CDK13: variants seen among roughly 807,000 people sequenced by gnomAD.
CDK13 encodes cyclin-dependent kinase 13.
In CDK13, 40 loss-of-function variants were observed where a neutral mutation model predicts 137.6. That is an observed-to-expected ratio of 0.29 (90% CI 0.23 to 0.38). The LOEUF (loss-of-function observed/expected upper bound fraction) is 0.38, where lower values mean the gene tolerates loss of function less well. Among genes scored for constraint, CDK13 ranks in the 10% least tolerant of loss-of-function variants. The pLI, the probability that CDK13 is intolerant of heterozygous loss-of-function variation, is 1.00. For synonymous variants in CDK13, 869 were observed against 760.1 expected (o/e 1.14, Z -2.36); for missense variants, 1,704 against 1,951.8 (o/e 0.87, Z 2.39).
chr7:39,987,451 A>C, intron 1 of CDK13, 148 bp from the exon 2 acceptor site: 1 of 704,584 alleles, frequency 1.4e-6, no homozygotes, highest in Non-Finnish European at 2.2e-6. Flanking sequence ...ACTTTAAAGA[A>C]ATTTTTATTT....
At position 40,094,790 on chromosome 7, in the gene CDK13, C is replaced by T. The variant is rs2150548848; in HGVS notation, c.4349C>T (p.Thr1450Ile). 2 of 1,601,654 alleles carry T rather than the reference C, an allele frequency of 1.2e-6. No homozygotes were observed. Among genetic ancestry groups the T allele is most frequent in the Admixed American group, 1.7e-5 (1 of 57,594 alleles). Residue 1450 changes from threonine (T) to isoleucine (I), a missense_variant, in exon 14 of 14, where the codon ACT (threonine) becomes ATT (isoleucine). Thr to Ile is a moderately conservative substitution (Grantham distance 89). Around this residue, in one of 5 missense-constraint regions of CDK13, gnomAD observed 475 missense variants for 579.3 expected, o/e 0.82. Coordinates refer to ENST00000181839, the MANE Select transcript of CDK13 (RefSeq NM_003718.5). ...GACCCTTCCACGGGGCCAGAGAGTACTCATCCTTTGCCAGCAAAGATGCAC... is the reference window on the plus strand; with the variant it reads ...GACCCTTCCACGGGGCCAGAGAGTATTCATCCTTTGCCAGCAAAGATGCAC... ...SSDPSTGPES[T>I]HPLPAKMHNY... is the part of the protein sequence containing the mutation.
intron 5 of CDK13, among the ~76,000 whole-genome samples, chr7:40,017,753 G>A (rs890609414): frequency 6.6e-6 from 1 of 150,916 alleles, no homozygotes; most frequent in African/African-American, 2.4e-5. Context: ...TTTAATTTTG[G>A]AAGGGTGGTT....
At chr7:40,055,321 G>C (rs574303264) in intron 7 of CDK13, among the ~76,000 whole-genome samples, 17 of 151,922 alleles carry the variant, frequency 1.1e-4, no homozygotes, top group Non-Finnish European at 1.9e-4. Flanking sequence ...CTAAGAAGTC[G>C]ACTATATGTT....
chr7:40,013,432 A>G (rs1166784168), intron 5 of CDK13, among the ~76,000 whole-genome samples: 2 of 152,362 alleles, frequency 1.3e-5, no homozygotes, highest in Non-Finnish European at 1.5e-5. Flanking sequence ...ATTTAAAAAA[A>G]TTAAACGAGA....
intron 1 of CDK13, among the ~76,000 whole-genome samples, chr7:39,968,395 A>G (rs1783918838): frequency 6.6e-6 from 1 of 152,060 alleles, no homozygotes. Context: ...GTGGATATCC[A>G]GTTTTCCCAC....
chr7:39,996,396 T>C (rs1784561192), intron 2 of CDK13, among the ~76,000 whole-genome samples: 1 of 152,204 alleles, frequency 6.6e-6, no homozygotes, highest in Non-Finnish European at 1.5e-5. Context: ...GACTTTGTCA[T>C]ATCAGGGAAA....
intron 5 of CDK13, among the ~76,000 whole-genome samples, chr7:40,022,597 C>A (rs901797639): frequency 1.1e-4 from 16 of 150,414 alleles, no homozygotes; most frequent in African/African-American, 3.9e-4. Context: ...TATGTTGTGT[C>A]ATAATGGCTG....
chr7:40,015,750 T>TA (rs79005928), intron 5 of CDK13, among the ~76,000 whole-genome samples: 7 of 151,802 alleles, frequency 4.6e-5, no homozygotes, highest in Non-Finnish European at 5.9e-5. Flanking sequence ...TCCAGAAGTT[T>TA]AAAAAAAAAA....
intron 9 of CDK13, chr7:40,067,592 T>C (rs2150529537): frequency 6.6e-6 from 1 of 152,236 alleles, no homozygotes; most frequent in Non-Finnish European, 1.5e-5. Context: ...CCTGGAATCT[T>C]TTCTTTTACA....
At chr7:39,958,772 G>A (rs1057512792) in intron 1 of CDK13, among the ~76,000 whole-genome samples, 1 of 151,240 alleles carries the variant, frequency 6.6e-6, no homozygotes, top group African/African-American at 2.4e-5. Flanking sequence ...TCTTTAGATT[G>A]AATTTCCTGG....
chr7:40,042,093 T>C (rs1785618818), intron 5 of CDK13, among the ~76,000 whole-genome samples: 1 of 152,176 alleles, frequency 6.6e-6, no homozygotes, highest in Admixed American at 6.5e-5. Flanking sequence ...TTGATTCTTT[T>C]TTTGTTGTTG....
chr7:40,048,186 C>T (rs1010976031), intron 7 of CDK13: 17 of 212,918 alleles, frequency 8.0e-5, no homozygotes, highest in African/African-American at 3.7e-4. Flanking sequence ...TTAATGAAAA[C>T]CTTTTAAATT....
intron 5 of CDK13, among the ~76,000 whole-genome samples, chr7:40,022,650 C>CT (rs11336630): frequency 9.6e-4 from 136 of 141,138 alleles, no homozygotes; most frequent in East Asian, 2.3e-3. Context: ...GAGGAAGTAT[C>CT]TTTTTTTTTT....
intron 11 of CDK13, among the ~76,000 whole-genome samples, chr7:40,080,555 T>G (rs1223816839): frequency 6.6e-6 from 1 of 152,170 alleles, no homozygotes; most frequent in Non-Finnish European, 1.5e-5. Context: ...AAGGATCTAT[T>G]ACCTGACATC....
At chr7:40,003,196 ACACACACACACTCT>A (rs781673791) in intron 5 of CDK13, among the ~76,000 whole-genome samples, 4,058 of 107,270 alleles carry the variant, frequency 0.038, 66 homozygotes, top group Non-Finnish European at 0.057. Context: ...ACACACACAC[ACACACACACACTCT>A]CTCTCTCTCT....
At chr7:40,092,532 A>G (rs547519979) in intron 12 of CDK13, 149 of 439,114 alleles carry the variant, frequency 3.4e-4, no homozygotes, top group African/African-American at 2.7e-3. Context: ...AGGTTTTAGT[A>G]GTGGTCTTGA....
At chr7:40,029,949 G>A (rs1785332060) in intron 5 of CDK13, among the ~76,000 whole-genome samples, 3 of 152,134 alleles carry the variant, frequency 2.0e-5, no homozygotes, top group African/African-American at 7.2e-5. Flanking sequence ...ACTGCGCCTG[G>A]CCTAGATTAG....
In CDK13 at chr7:39,988,163, A is replaced by C; in HGVS notation, c.1776A>C (p.Gly592=). ...CCAAACCACTTACACCAAGCATAGG[A>C]GCCAAGGAGAAGGAGCAACATGTAG... ...EKTKPLTPSI[G]AKEKEQHVAL... The change falls in exon 2 of 14, where the codon GGA becomes GGC. Residue 592 remains glycine, a synonymous_variant. Transcript: ENST00000181839. 6.2e-7 allele frequency: 1 copy of C among 1,614,156 alleles called. No individual in the cohort carries two copies. The highest frequency in any genetic ancestry group is 8.5e-7 in the Non-Finnish European group (1 of 1,180,014).
chr7:40,062,889 A>G lies in CDK13; in HGVS notation c.2664A>G (p.Glu888=), dbSNP rs1402275840. ...GTCCACCTGAACTGCTACTGGGAGAAGAACGATACACACCAGCCATTGATG... is the reference window on the plus strand; with the variant it reads ...GTCCACCTGAACTGCTACTGGGAGAGGAACGATACACACCAGCCATTGATG... ...WYRPPELLLG[E]ERYTPAIDVW... The change falls in exon 8 of 14, where the codon GAA becomes GAG. Residue 888 remains glutamate, a synonymous_variant. Transcript: ENST00000181839. The G allele has an allele frequency of 2.4e-5, 39 of 1,614,036 alleles. No homozygotes were observed. Among genetic ancestry groups the G allele is most frequent in the Non-Finnish European group, 3.2e-5 (38 of 1,179,892 alleles).
Sources: allele counts gnomAD v4.1 joint callset (sites outside exome capture counted in the v4.1 genomes callset), GRCh38; gene constraint gnomAD v4.1.1; regional missense constraint gnomAD v4.1.1; transcripts MANE v1.5; gene names NCBI Gene and HGNC (gene_info 2026-07-23, HGNC 2026-07-21).